ANK3: variants seen among roughly 807,000 people sequenced by gnomAD.
ANK3 encodes the protein ankyrin-3.
ANK3 carries 57 observed loss-of-function variants against 370.9 expected under a neutral mutation model. The ratio of observed to expected loss-of-function variants is 0.15; its 90% confidence interval spans 0.12 to 0.19. The LOEUF is 0.19. Ranked by LOEUF, ANK3 falls within the 10% of genes least tolerant of loss-of-function variation. The pLI is 1.00. For missense variants in ANK3, 4,439 were observed against 5,302.1 expected (o/e 0.84, Z 5.06); for synonymous variants, 1,929 against 1,946.3 (o/e 0.99, Z 0.23).
At chr10:60,614,438 A>G (rs1388714586) in intron 2 of ANK3, among the ~76,000 whole-genome samples, 1 of 152,242 alleles carries the variant, frequency 6.6e-6, no homozygotes, top group African/African-American at 2.4e-5. Context: ...TATGAAGAAA[A>G]TGAAGCAAGG....
intron 2 of ANK3, among the ~76,000 whole-genome samples, chr10:60,429,862 T>G (rs1390975038): frequency 6.6e-6 from 1 of 152,214 alleles, no homozygotes; most frequent in African/African-American, 2.4e-5. Context: ...GTCATCACTT[T>G]GAATCTCATA....
At chr10:60,242,696 C>T (rs2097486113) in intron 7 of ANK3, among the ~76,000 whole-genome samples, 2 of 152,076 alleles carry the variant, frequency 1.3e-5, no homozygotes, top group Admixed American at 1.3e-4. Flanking sequence ...CCTCCACTGC[C>T]TCCATCACAG....
intron 2 of ANK3, among the ~76,000 whole-genome samples, chr10:60,606,327 T>G (rs2078127809): frequency 1.3e-5 from 2 of 152,132 alleles, no homozygotes; most frequent in East Asian, 3.8e-4. Flanking sequence ...AAGTTTTTTA[T>G]TAATCAAATT....
intron 1 of ANK3, among the ~76,000 whole-genome samples, chr10:60,361,199 C>T (rs1424606925): frequency 6.6e-6 from 1 of 152,074 alleles, no homozygotes; most frequent in Non-Finnish European, 1.5e-5. Flanking sequence ...TTCAGTATTC[C>T]ACAGAATTAA....
intron 23 of ANK3, among the ~76,000 whole-genome samples, chr10:60,162,038 A>G (rs1489008106): frequency 6.6e-6 from 1 of 152,194 alleles, no homozygotes; most frequent in African/African-American, 2.4e-5. Context: ...ATGTACAATT[A>G]TTATGTATCC....
At chr10:60,034,111 T>G (rs372368418) in intron 43 of ANK3, among the ~76,000 whole-genome samples, 12 of 146,110 alleles carry the variant, frequency 8.2e-5, no homozygotes, top group Middle Eastern at 3.2e-3. Flanking sequence ...TTTTGGTTTT[T>G]TTTTTTTTTT....
chr10:60,301,245 T>C (rs988693202), intron 1 of ANK3, among the ~76,000 whole-genome samples: 1 of 141,474 alleles, frequency 7.1e-6, no homozygotes, highest in Non-Finnish European at 1.6e-5. Flanking sequence ...TATATATACA[T>C]ATACACACAC....
chr10:60,588,160 TTTA>T (rs147944306), intron 2 of ANK3, among the ~76,000 whole-genome samples: 7,387 of 141,032 alleles, frequency 0.052, 252 homozygotes, highest in South Asian at 0.11. Flanking sequence ...TTTCTCAGTT[TTTA>T]TTATTATTAT....
chr10:60,657,399 C>A lies in ANK3; in HGVS notation c.58-42175G>T, dbSNP rs79222685. On this transcript the variant is annotated intron_variant, in intron 1 of 43. Coordinates refer to the ANK3 transcript ENST00000373827. ...ACCTGGCCTCAAGTGATCCTAAGATCTCTGCCTCCCTAGTCAGTGAGATTA... is the reference window on the plus strand; with the variant it reads ...ACCTGGCCTCAAGTGATCCTAAGATATCTGCCTCCCTAGTCAGTGAGATTA... Among the ~76,000 whole-genome samples the A allele has an allele frequency of 8.9e-3, 1,351 of 152,290 alleles. 15 individuals carry two copies. Among genetic ancestry groups the A allele is most frequent in the African/African-American group, 0.031 (1,285 of 41,566 alleles).
In ANK3 at chr10:60,200,121, G is replaced by A; in HGVS notation, c.1491+8C>T. The A allele has an allele frequency of 6.2e-7, 1 of 1,610,192 alleles. No homozygotes were observed. On this transcript the variant is annotated splice_region_variant and intron_variant, in intron 13 of 43. Coordinates refer to ENST00000280772, the MANE Select transcript of ANK3 (RefSeq NM_020987.5). ...CAATTTCAAACACTTGTCAAGTATT[G>A]CGCATACCTTAGCTTTAGCTTCTAC...
intron 2 of ANK3, among the ~76,000 whole-genome samples, chr10:60,592,552 G>A (rs2077931506): frequency 6.6e-6 from 1 of 152,176 alleles, no homozygotes. Context: ...CTGAGGTCAG[G>A]AGTTCGAGAC....
At chr10:60,336,984 A>G (rs143450737) in intron 1 of ANK3, among the ~76,000 whole-genome samples, 43 of 152,118 alleles carry the variant, frequency 2.8e-4, no homozygotes, top group African/African-American at 9.6e-4. Context: ...AGGCTGCAGA[A>G]AGGAATTGCT....
At chr10:60,362,756 C>T (rs2058801707) in intron 1 of ANK3, among the ~76,000 whole-genome samples, 1 of 152,116 alleles carries the variant, frequency 6.6e-6, no homozygotes, top group South Asian at 2.1e-4. Context: ...TCTTAGCAAA[C>T]CTTCACTGAG....
intron 26 of ANK3, among the ~76,000 whole-genome samples, chr10:60,109,715 T>C (rs1357315694): frequency 6.6e-6 from 1 of 152,220 alleles, no homozygotes; most frequent in Non-Finnish European, 1.5e-5. Flanking sequence ...AAGTGGAACT[T>C]AGACTTTTAG....
At chr10:60,105,863 T>C (rs967105571) in intron 28 of ANK3, 42 bp downstream of exon 28, 2 of 1,541,426 alleles carry the variant, frequency 1.3e-6, no homozygotes, top group Non-Finnish European at 1.7e-6. Flanking sequence ...CTTTAATTTC[T>C]GCCTGCAGAC....
chr10:60,448,942 A>G (rs1348781142), intron 2 of ANK3, among the ~76,000 whole-genome samples: 1 of 152,218 alleles, frequency 6.6e-6, no homozygotes, highest in Non-Finnish European at 1.5e-5. Flanking sequence ...CAGGATGCCA[A>G]TTTGACTGAA....
At chr10:60,288,929 T>TACACACACACACACACACACACACA (rs2040671533) in intron 1 of ANK3, among the ~76,000 whole-genome samples, 1 of 104,442 alleles carries the variant, frequency 9.6e-6, no homozygotes, top group African/African-American at 4.0e-5. Context: ...CACACACACG[T>TACACACACACACACACACACACACA]CACAGCCAAG....
At chr10:60,034,937 T>C (rs886341416) in intron 43 of ANK3, among the ~76,000 whole-genome samples, 34 of 152,222 alleles carry the variant, frequency 2.2e-4, no homozygotes, top group Non-Finnish European at 4.1e-4. Flanking sequence ...TAGCTTTGTT[T>C]CTTCACTAAT....
At chr10:60,612,062 T>A (rs925516111) in intron 2 of ANK3, among the ~76,000 whole-genome samples, 4 of 152,194 alleles carry the variant, frequency 2.6e-5, no homozygotes, top group Non-Finnish European at 1.5e-5. Flanking sequence ...AGGAGGATTT[T>A]AATATTTTAG....
Sources: allele counts gnomAD v4.1 joint callset (sites outside exome capture counted in the v4.1 genomes callset), GRCh38; gene constraint gnomAD v4.1.1; transcripts MANE v1.5; gene names NCBI Gene and HGNC (gene_info 2026-07-23, HGNC 2026-07-21).